SLC35F1: variants seen among roughly 807,000 people sequenced by gnomAD.
SLC35F1 encodes the protein chromosome 6 open reading frame 169.
SLC35F1 carries 14 observed loss-of-function variants against 48.7 expected under a neutral mutation model. That is an observed-to-expected ratio of 0.29 (90% CI 0.19 to 0.45). The LOEUF (loss-of-function observed/expected upper bound fraction) is 0.45. SLC35F1 is among the 20% of genes least tolerant of loss of function. The probability of loss-of-function intolerance (pLI) is 1.00; values close to 1 mark genes in which losing one functional copy is unlikely to be tolerated. For synonymous variants in SLC35F1, 190 were observed against 202.2 expected (o/e 0.94, Z 0.51); for missense variants, 404 against 500.0 (o/e 0.81, Z 1.83).
At chr6:118,305,047 AATGTGT>A (rs1286629535) in intron 7 of SLC35F1, among the ~76,000 whole-genome samples, 130 of 68,624 alleles carry the variant, frequency 1.9e-3, no homozygotes, top group Admixed American at 7.2e-3. Flanking sequence ...AATCAACAGG[AATGTGT>A]GTGTGTGTGT....
At chr6:118,190,847 C>T (rs1052281665) in intron 2 of SLC35F1, among the ~76,000 whole-genome samples, 19 of 152,228 alleles carry the variant, frequency 1.2e-4, no homozygotes, top group Middle Eastern at 3.4e-3. Flanking sequence ...TGTTAATCCC[C>T]TACAACTGAA....
At chr6:118,081,637 A>C (rs1772909840) in intron 1 of SLC35F1, among the ~76,000 whole-genome samples, 1 of 147,712 alleles carries the variant, frequency 6.8e-6, no homozygotes, top group African/African-American at 2.7e-5. Context: ...CCTGTTTTCA[A>C]ACAAACAAAC....
chr6:117,966,011 T>TTTA (rs34847092), intron 1 of SLC35F1, among the ~76,000 whole-genome samples: 43,701 of 151,532 alleles, frequency 0.29, 6,632 homozygotes, highest in Admixed American at 0.38. Flanking sequence ...AATGGACCAA[T>TTTA]CAGCACTCTG....
intron 2 of SLC35F1, among the ~76,000 whole-genome samples, chr6:118,232,025 G>C (rs1485898518): frequency 6.6e-6 from 1 of 152,148 alleles, no homozygotes; most frequent in Non-Finnish European, 1.5e-5. Context: ...GTTTCTAATA[G>C]ATATATTTTC....
intron 1 of SLC35F1, among the ~76,000 whole-genome samples, chr6:117,909,357 AATT>A (rs1376133507): frequency 6.6e-6 from 1 of 152,054 alleles, no homozygotes; most frequent in East Asian, 1.9e-4. Context: ...AATATATTTT[AATT>A]ATTATTATTT....
chr6:118,280,020 C>T (rs906909158), intron 6 of SLC35F1, among the ~76,000 whole-genome samples: 5 of 151,978 alleles, frequency 3.3e-5, no homozygotes, highest in East Asian at 3.9e-4. Context: ...TTTCTTAACC[C>T]GAAGCACTTT....
intron 1 of SLC35F1, among the ~76,000 whole-genome samples, chr6:118,011,209 A>AT (rs1777241777): frequency 6.6e-6 from 1 of 152,182 alleles, no homozygotes; most frequent in African/African-American, 2.4e-5. Flanking sequence ...TTATTAGTCC[A>AT]TTCTCACACT....
chr6:118,167,991 A>T (rs765145006), intron 2 of SLC35F1, among the ~76,000 whole-genome samples: 7 of 152,146 alleles, frequency 4.6e-5, no homozygotes, highest in African/African-American at 7.2e-5. Context: ...ATAATTCATT[A>T]TAACCGCTAG....
chr6:118,225,130 C>T (rs1352937611), intron 2 of SLC35F1, among the ~76,000 whole-genome samples: 2 of 152,154 alleles, frequency 1.3e-5, no homozygotes, highest in Non-Finnish European at 2.9e-5. Context: ...AATGTAATTG[C>T]TATCAAAGTA....
chr6:118,178,818 C>A (rs1428779224), intron 2 of SLC35F1, among the ~76,000 whole-genome samples: 3 of 152,206 alleles, frequency 2.0e-5, no homozygotes, highest in African/African-American at 7.2e-5. Flanking sequence ...ATCAGATTCA[C>A]CCATGGAGGT....
At chr6:118,222,269 C>G (rs1349632759) in intron 2 of SLC35F1, among the ~76,000 whole-genome samples, 1 of 152,124 alleles carries the variant, frequency 6.6e-6, no homozygotes, top group South Asian at 2.1e-4. Context: ...CTTTGAGTAT[C>G]CAGCTTATAG....
chr6:117,933,470 G>A (rs1263644563), intron 1 of SLC35F1, among the ~76,000 whole-genome samples: 1 of 152,142 alleles, frequency 6.6e-6, no homozygotes, highest in Non-Finnish European at 1.5e-5. Flanking sequence ...GTGATGTAGT[G>A]GTTGCCATAG....
intron 1 of SLC35F1, among the ~76,000 whole-genome samples, chr6:118,009,836 T>C (rs1458834220): frequency 6.6e-6 from 1 of 152,184 alleles, no homozygotes; most frequent in African/African-American, 2.4e-5. Flanking sequence ...TTTTCAGATA[T>C]TTTCTCTTAG....
chr6:118,171,608 G>C (rs1445024908), intron 2 of SLC35F1, among the ~76,000 whole-genome samples: 1 of 152,126 alleles, frequency 6.6e-6, no homozygotes, highest in Non-Finnish European at 1.5e-5. Context: ...GTATTCAAGA[G>C]TACCTATTTC....
intron 1 of SLC35F1, among the ~76,000 whole-genome samples, chr6:118,137,039 A>G (rs1773807747): frequency 6.6e-6 from 1 of 152,212 alleles, no homozygotes; most frequent in Admixed American, 6.5e-5. Context: ...TTCTAGAAAA[A>G]TAAATAATCA....
chr6:118,266,704 C>G (rs1047636963), intron 3 of SLC35F1, among the ~76,000 whole-genome samples: 2 of 152,164 alleles, frequency 1.3e-5, no homozygotes, highest in South Asian at 4.1e-4. Flanking sequence ...GGAGGCAGAG[C>G]TGCCCCAGCA....
intron 1 of SLC35F1, among the ~76,000 whole-genome samples, chr6:118,036,876 C>A (rs1038299833): frequency 2.0e-5 from 3 of 152,130 alleles, no homozygotes; most frequent in African/African-American, 7.2e-5. Flanking sequence ...TATTAAAAAT[C>A]AGGCTGTTCT....
rs867215760 is a variant in SLC35F1 at position 117,923,699 on chromosome 6, A to G, written c.173+15800A>G. ...TGTACATATATACATATGTACATAT[A>G]CATATATGTACATATATACATATAT... On this transcript the variant is annotated intron_variant, in intron 1 of 7. Coordinates refer to ENST00000360388, the MANE Select transcript of SLC35F1 (RefSeq NM_001029858.4). Among the ~76,000 whole-genome samples the G allele has an allele frequency of 5.8e-3, 60 of 10,306 alleles. 2 individuals carry two copies. Among genetic ancestry groups the G allele is most frequent in the East Asian group, 0.016 (5 of 310 alleles). 6.8% of individuals were successfully genotyped at this position (10,306 alleles called of 152,430 possible).
chr6:118,102,156 T>C (rs1362248429), intron 1 of SLC35F1, among the ~76,000 whole-genome samples: 2 of 152,156 alleles, frequency 1.3e-5, no homozygotes, highest in African/African-American at 4.8e-5. Flanking sequence ...TGGCACACAA[T>C]AACAATGTAC....
Sources: allele counts gnomAD v4.1 joint callset (sites outside exome capture counted in the v4.1 genomes callset), GRCh38; gene constraint gnomAD v4.1.1; transcripts MANE v1.5; gene names NCBI Gene and HGNC (gene_info 2026-07-23, HGNC 2026-07-21).